The following RAB11FIP3 variants were observed in gnomAD, a reference collection of about 807,000 sequenced individuals.
RAB11FIP3 encodes rab11 family-interacting protein 3.
In RAB11FIP3, 17 loss-of-function variants were observed where a neutral mutation model predicts 77.8. The ratio of observed to expected loss-of-function variants is 0.22; its 90% CI spans 0.15 to 0.33. The LOEUF (loss-of-function observed/expected upper bound fraction) is 0.33, where lower values mean the gene tolerates loss of function less well. Ranked by LOEUF, RAB11FIP3 falls within the 10% of genes least tolerant of loss-of-function variation. RAB11FIP3 has a pLI of 1.00. For missense variants in RAB11FIP3, 1,005 were observed against 1,011.2 expected (o/e 0.99, Z 0.08); for synonymous variants, 437 against 448.2 (o/e 0.98, Z 0.31).
chr16:519,245 A>G, intron 10 of RAB11FIP3: 1 of 564,656 alleles, frequency 1.8e-6, no homozygotes. Flanking sequence ...CAGGGCTCTG[A>G]ATCTGGGAAT....
At chr16:483,841 T>A (rs1257725316) in intron 4 of RAB11FIP3, among the ~76,000 whole-genome samples, 2 of 151,812 alleles carry the variant, frequency 1.3e-5, no homozygotes, top group African/African-American at 4.9e-5. Context: ...AATAACTCTT[T>A]CAAACAAACA....
intron 3 of RAB11FIP3, among the ~76,000 whole-genome samples, chr16:473,727 A>AGTATT: frequency 6.6e-6 from 1 of 152,134 alleles, no homozygotes; most frequent in East Asian, 1.9e-4. Flanking sequence ...GGCGTGAGCC[A>AGTATT]CCGCACCCAG....
rs1164062646 is a variant in RAB11FIP3, at chr16:426,165, G to A, written c.159G>A (p.Pro53=). 2 of 1,014,780 alleles carry A rather than the reference G, an allele frequency of 2.0e-6. No homozygotes were observed. The highest frequency in any genetic ancestry group is 1.7e-5 in the African/African-American group (1 of 57,190). 62.9% of individuals were successfully genotyped at this position (1,014,780 alleles called of 1,614,324 possible). ...TCGGCGGCCCCGACCCGCAGTCCCC[G>A]GGCCTGGATGAGCCTGCGCCCGGGG... The part of the protein sequence containing the change: ...APVGGPDPQS[P]GLDEPAPGAA... Residue 53 remains proline, a synonymous_variant, in exon 1 of 14, where the codon CCG becomes CCA. Transcript: ENST00000262305. This position sits in a 1 kb window ranked among gnomAD's most constrained non-coding sequence, Gnocchi z 5.0.
intron 1 of RAB11FIP3, among the ~76,000 whole-genome samples, chr16:428,871 G>C (rs2054993531): frequency 6.6e-6 from 1 of 152,140 alleles, no homozygotes; most frequent in African/African-American, 2.4e-5. Context: ...GTAGAAATGA[G>C]ACAAAATTCT....
intron 3 of RAB11FIP3, among the ~76,000 whole-genome samples, chr16:480,286 C>CAAAAAAAAAAAAAAA (rs56228402): frequency 3.6e-4 from 29 of 80,002 alleles, no homozygotes; most frequent in East Asian, 1.1e-3. Flanking sequence ...ACTCCTTCTC[C>CAAAAAAAAAAAAAAA]AAAAAAAAAA....
chr16:465,600 C>A (rs2055688641), intron 2 of RAB11FIP3, among the ~76,000 whole-genome samples: 1 of 152,072 alleles, frequency 6.6e-6, no homozygotes, highest in South Asian at 2.1e-4. Flanking sequence ...GTAGCCACGG[C>A]CTCTCAGCAC....
In RAB11FIP3 at chr16:510,714, G is replaced by A; in HGVS notation, c.1554G>A (p.Met518Ile). Residue 518 changes from methionine to isoleucine, a missense_variant, in exon 9 of 14, where the codon ATG becomes ATA. Met to Ile is a conservative substitution (Grantham distance 10). Around this residue, in one of 4 missense-constraint regions of RAB11FIP3, gnomAD observed 433 missense variants for 436.1 expected, o/e 0.99. Transcript: ENST00000262305. ...AGCAGGAGCTGAGAGCCTGCGAGATGGTCCTGGAAGAGACCCGGCGTCAGA... is the reference window on the plus strand; with the variant it reads ...AGCAGGAGCTGAGAGCCTGCGAGATAGTCCTGGAAGAGACCCGGCGTCAGA... ...LKEQELRACEMVLEETRRQKE... is the reference protein window; with the variant it reads ...LKEQELRACEIVLEETRRQKE... 10 of 1,613,038 alleles carry A rather than the reference G, an allele frequency of 6.2e-6. No homozygotes were observed. Among genetic ancestry groups the A allele is most frequent in the Non-Finnish European group, 8.5e-6 (10 of 1,179,774 alleles).
At chr16:428,041 C>T (rs966346234) in intron 1 of RAB11FIP3, among the ~76,000 whole-genome samples, 32 of 151,358 alleles carry the variant, frequency 2.1e-4, no homozygotes, top group Admixed American at 4.6e-4. Flanking sequence ...GCGGAGCTTG[C>T]AGTGAGCGGA....
intron 1 of RAB11FIP3, among the ~76,000 whole-genome samples, chr16:444,646 G>A (rs1360161431): frequency 2.0e-5 from 3 of 152,020 alleles, no homozygotes; most frequent in African/African-American, 4.8e-5. Flanking sequence ...TCAGGAGTTC[G>A]AAACCAGCCT....
chr16:470,015 G>A (rs1174943340), intron 2 of RAB11FIP3, among the ~76,000 whole-genome samples: 1 of 151,120 alleles, frequency 6.6e-6, no homozygotes, highest in Non-Finnish European at 1.5e-5. Flanking sequence ...TTTTTTTTGA[G>A]ATGGAGTCTT....
intron 1 of RAB11FIP3, among the ~76,000 whole-genome samples, chr16:440,436 G>A (rs1194570316): frequency 1.3e-5 from 2 of 152,182 alleles, no homozygotes; most frequent in Non-Finnish European, 2.9e-5. Flanking sequence ...CAGCCCCTCT[G>A]CTGTCGTCCC....
intron 5 of RAB11FIP3, among the ~76,000 whole-genome samples, chr16:494,852 G>C (rs12920858): frequency 0.056 from 2,715 of 48,586 alleles, 18 homozygotes; most frequent in Middle Eastern, 0.14. Flanking sequence ...GCAGAGGTGG[G>C]AGGATCACAT....
Position 492,362 on chromosome 16 carries a change from TTCCCGGGAGACCCGAGGCCGCCCAGAGCC to T in RAB11FIP3, c.1265+3363_1265+3391del, listed in dbSNP as rs2030372364. 7.7e-4 allele frequency among the ~76,000 whole-genome samples: 49 copies of T among 63,656 alleles called. 1 individual carries two copies. Among genetic ancestry groups the T allele is most frequent in the African/African-American group, 3.8e-3 (48 of 12,692 alleles). The allele number at this position is 63,656 out of a possible 152,430, so 41.8% of individuals were successfully genotyped here. A position where few individuals can be genotyped will look rare whatever the true frequency, so the allele number is the denominator to read the frequency against. On this transcript the variant is annotated intron_variant, in intron 5 of 13. Coordinates refer to ENST00000262305, the MANE Select transcript of RAB11FIP3 (RefSeq NM_014700.4). ...GCAGAAGTGCTCTTTGAAGAGGGTC[TTCCCGGGAGACCCGAGGCCGCCCAGAGCC>T]CTCCCCGGGAGACCCGAGGCCGCCC...
chr16:483,809 T>C (rs1323869767), intron 4 of RAB11FIP3, among the ~76,000 whole-genome samples: 7 of 151,930 alleles, frequency 4.6e-5, no homozygotes, highest in African/African-American at 1.7e-4. Context: ...CATTCCTTTC[T>C]ATTGATTCCA....
At chr16:510,943 G>A in intron 9 of RAB11FIP3, 143 bp downstream of exon 9, 2 of 1,113,480 alleles carry the variant, frequency 1.8e-6, no homozygotes, top group South Asian at 3.3e-5. Flanking sequence ...CTGCAGGCCA[G>A]GTAGGAGAAG....
At chr16:432,155 G>A (rs1380648936) in intron 1 of RAB11FIP3, among the ~76,000 whole-genome samples, 2 of 152,150 alleles carry the variant, frequency 1.3e-5, no homozygotes, top group African/African-American at 4.8e-5. Flanking sequence ...GGCCAAGGCG[G>A]GTGGATCATC....
In RAB11FIP3 at chr16:446,158, T is replaced by A. The variant is rs568674244; in HGVS notation, c.715-15246T>A. ...ACTCGGGAGGCTGAAGTGGGAAGAT[T>A]ACTGGAGCCCAAGAGTTTGAAGCTG... On this transcript the variant is annotated intron_variant, in intron 1 of 13. Coordinates refer to ENST00000262305, the MANE Select transcript of RAB11FIP3 (RefSeq NM_014700.4). 8.3e-4 allele frequency among the ~76,000 whole-genome samples: 127 copies of A among 152,160 alleles called. No homozygotes were observed. The Middle Eastern group carries it at 0.01, about 12-fold the overall frequency.
chr16:469,356 G>A (rs1305319346), intron 2 of RAB11FIP3, among the ~76,000 whole-genome samples: 1 of 152,096 alleles, frequency 6.6e-6, no homozygotes, highest in Non-Finnish European at 1.5e-5. Flanking sequence ...TTGTAGGCGT[G>A]AGCCACCATG....
At chr16:447,659 A>AC (rs908652036) in intron 1 of RAB11FIP3, among the ~76,000 whole-genome samples, 8 of 151,986 alleles carry the variant, frequency 5.3e-5, no homozygotes, top group African/African-American at 1.9e-4. Flanking sequence ...AATGGTGTGA[A>AC]CCCGGGGGGC....
Sources: allele counts gnomAD v4.1 joint callset (sites outside exome capture counted in the v4.1 genomes callset), GRCh38; gene constraint gnomAD v4.1.1; regional missense constraint gnomAD v4.1.1; non-coding constraint Gnocchi (gnomAD v3.1); transcripts MANE v1.5; gene names NCBI Gene and HGNC (gene_info 2026-07-23, HGNC 2026-07-21).